RYR2: variants seen among roughly 807,000 people sequenced by gnomAD.
The protein encoded by RYR2 is ryanodine receptor 2.
A neutral mutation model predicts 601.1 loss-of-function variants in RYR2; 227 were observed. That is an observed-to-expected ratio of 0.38 (90% CI 0.34 to 0.42). RYR2 has a LOEUF of 0.42. Ranked by LOEUF, RYR2 falls within the 10% of genes least tolerant of loss-of-function variation. RYR2 has a pLI of 1.00. For synonymous variants in RYR2, 2,223 were observed against 2,175.1 expected, an observed-to-expected ratio of 1.02 and a Z score of -0.61; for missense variants, 4,646 against 6,156.5, an observed-to-expected ratio of 0.75 and a Z score of 8.21.
At chr1:237,693,634 C>T (rs1267396604) in intron 63 of RYR2, among the ~76,000 whole-genome samples, 1 of 152,058 alleles carries the variant, frequency 6.6e-6, no homozygotes, top group Non-Finnish European at 1.5e-5. Context: ...GAGTATTAAA[C>T]AAGATAAATA....
At chr1:237,490,616 C>T (rs529194755) in intron 17 of RYR2, among the ~76,000 whole-genome samples, 2 of 152,274 alleles carry the variant, frequency 1.3e-5, no homozygotes, top group East Asian at 3.9e-4. Flanking sequence ...TGATTTTTAA[C>T]TGTTATGCAT....
At chr1:237,678,979 TGTA>T (rs1685631274) in intron 61 of RYR2, among the ~76,000 whole-genome samples, 5 of 152,194 alleles carry the variant, frequency 3.3e-5, no homozygotes, top group Admixed American at 2.0e-4. Flanking sequence ...ATATTTGACT[TGTA>T]GTATGTTTTC....
At chr1:237,124,688 G>T (rs1332548272) in intron 1 of RYR2, among the ~76,000 whole-genome samples, 1 of 152,050 alleles carries the variant, frequency 6.6e-6, no homozygotes, top group Non-Finnish European at 1.5e-5. Flanking sequence ...CAAGTCTTCT[G>T]CTTCTTCTAT....
intron 2 of RYR2, among the ~76,000 whole-genome samples, chr1:237,304,664 AT>A (rs1693694338): frequency 6.6e-6 from 1 of 152,210 alleles, no homozygotes; most frequent in Non-Finnish European, 1.5e-5. Context: ...ATTTATTTAT[AT>A]ATGTATTAAT....
intron 27 of RYR2, among the ~76,000 whole-genome samples, chr1:237,558,383 G>A (rs1291764153): frequency 6.6e-6 from 1 of 152,176 alleles, no homozygotes; most frequent in Non-Finnish European, 1.5e-5. Flanking sequence ...GTTGGGTATA[G>A]AATTCTCAGC....
chr1:237,770,705 A>T (rs1331693720), intron 84 of RYR2, 102 bp from the exon 85 acceptor site: 3 of 739,672 alleles, frequency 4.1e-6, no homozygotes, highest in Non-Finnish European at 7.1e-6. Flanking sequence ...TTTGGTTCAG[A>T]ACAATGCTAG....
chr1:237,367,376 G>A (rs1227457584), intron 5 of RYR2, among the ~76,000 whole-genome samples: 2 of 148,328 alleles, frequency 1.3e-5, no homozygotes, highest in African/African-American at 5.0e-5. Flanking sequence ...ACAAGCGTGA[G>A]CCACTGCGTC....
At chr1:237,489,201 A>T (rs959530693) in intron 17 of RYR2, among the ~76,000 whole-genome samples, 4 of 152,208 alleles carry the variant, frequency 2.6e-5, no homozygotes, top group African/African-American at 9.6e-5. Flanking sequence ...TAACCCCATT[A>T]AAAAATTGTC....
intron 10 of RYR2, among the ~76,000 whole-genome samples, chr1:237,389,626 A>G (rs1191156947): frequency 1.3e-5 from 2 of 152,218 alleles, no homozygotes; most frequent in East Asian, 3.8e-4. Context: ...GGGGAGAACT[A>G]GACACAGGCT....
intron 3 of RYR2, among the ~76,000 whole-genome samples, chr1:237,349,584 T>G (rs1329526948): frequency 6.6e-6 from 1 of 152,156 alleles, no homozygotes; most frequent in African/African-American, 2.4e-5. Context: ...TATGTGCAAT[T>G]AAAATGCATA....
At chr1:237,422,006 C>A (rs776021089) in intron 11 of RYR2, among the ~76,000 whole-genome samples, 3 of 151,994 alleles carry the variant, frequency 2.0e-5, no homozygotes, top group African/African-American at 4.8e-5. Context: ...AGTTTTCTTG[C>A]GTGCTTTGAT....
At chr1:237,636,611 TG>T (rs761633263) in intron 44 of RYR2, among the ~76,000 whole-genome samples, 15 of 152,254 alleles carry the variant, frequency 9.9e-5, no homozygotes, top group Non-Finnish European at 2.1e-4. Context: ...GAAAGCAGTT[TG>T]GCAGTTCCTT....
intron 2 of RYR2, among the ~76,000 whole-genome samples, chr1:237,315,743 A>G (rs1300193706): frequency 6.6e-6 from 1 of 152,216 alleles, no homozygotes; most frequent in Non-Finnish European, 1.5e-5. Flanking sequence ...GGATGAGTCC[A>G]TATCTGAGCT....
chr1:237,742,813 A>G (rs1246666888), intron 80 of RYR2, among the ~76,000 whole-genome samples: 1 of 152,228 alleles, frequency 6.6e-6, no homozygotes, highest in Non-Finnish European at 1.5e-5. Context: ...AGATAGTGGC[A>G]CACAACGCAG....
At chr1:237,439,193 C>G (rs1332975446) in intron 12 of RYR2, among the ~76,000 whole-genome samples, 1 of 152,140 alleles carries the variant, frequency 6.6e-6, no homozygotes, top group Admixed American at 6.5e-5. Context: ...TTATTTTCAT[C>G]TGAATTTCTC....
Position 237,582,421 on chromosome 1 carries a change from A to T in RYR2, c.3599-7372A>T, listed in dbSNP as rs548716611. Among the ~76,000 whole-genome samples, 1,164 of 133,274 alleles carry T rather than the reference A, an allele frequency of 8.7e-3. 8 individuals carry two copies. Among genetic ancestry groups the T allele is most frequent in the African/African-American group, 0.023 (758 of 33,646 alleles). 87.4% of individuals were successfully genotyped at this position (133,274 alleles called of 152,430 possible). On this transcript the variant is annotated intron_variant, in intron 29 of 104. Coordinates refer to ENST00000366574, the MANE Select transcript of RYR2 (RefSeq NM_001035.3). Reference sequence around the variant, plus strand: ...CATTGTGCCTGGCTAGCATTCTTTAAAAAAAAAAAAAAAAATCAACTTTGA... The same window carrying T: ...CATTGTGCCTGGCTAGCATTCTTTATAAAAAAAAAAAAAAATCAACTTTGA...
intron 84 of RYR2, among the ~76,000 whole-genome samples, chr1:237,768,170 A>G (rs971889753): frequency 2.6e-5 from 4 of 152,238 alleles, no homozygotes; most frequent in South Asian, 2.1e-4. Flanking sequence ...CAAGAAAAAA[A>G]TGTAATTTTG....
intron 29 of RYR2, among the ~76,000 whole-genome samples, chr1:237,581,586 T>A (rs1191219493): frequency 6.6e-6 from 1 of 152,204 alleles, no homozygotes; most frequent in Non-Finnish European, 1.5e-5. Context: ...TCCTACAGTA[T>A]GCTTTGTACC....
intron 19 of RYR2, among the ~76,000 whole-genome samples, chr1:237,494,791 T>C (rs896595593): frequency 5.9e-5 from 9 of 152,256 alleles, no homozygotes; most frequent in African/African-American, 2.2e-4. Context: ...TGTATTTCTA[T>C]GATGTGTTTT....
Sources: allele counts gnomAD v4.1 joint callset (sites outside exome capture counted in the v4.1 genomes callset), GRCh38; gene constraint gnomAD v4.1.1; transcripts MANE v1.5; gene names NCBI Gene and HGNC (gene_info 2026-07-23, HGNC 2026-07-21).